PLPPR4: variants seen among roughly 807,000 people sequenced by gnomAD.
PLPPR4 encodes the protein phospholipid phosphatase-related protein type 4.
In PLPPR4, 24 loss-of-function variants were observed where a neutral mutation model predicts 56.6. That is an observed-to-expected ratio of 0.42 (90% confidence interval 0.31 to 0.60). The LOEUF is 0.60. PLPPR4 is among the 20% of genes least tolerant of loss of function. The probability of loss-of-function intolerance (pLI) is 0.13; values close to 1 mark genes in which losing one functional copy is unlikely to be tolerated. For missense variants in PLPPR4, 654 were observed against 885.8 expected, an observed-to-expected ratio of 0.74 and a Z score of 3.32; for synonymous variants, 326 against 328.1, an observed-to-expected ratio of 0.99 and a Z score of 0.07.
At chr1:99,295,964 T>G (rs1308613041) in intron 2 of PLPPR4, among the ~76,000 whole-genome samples, 1 of 152,102 alleles carries the variant, frequency 6.6e-6, no homozygotes, top group African/African-American at 2.4e-5. Flanking sequence ...AGTAAGAGGT[T>G]TCAAAGAAAA....
At chr1:99,263,855 G>A (rs554684731), upstream of PLPPR4, 1 of 152,432 alleles carries the variant, frequency 6.6e-6, no homozygotes, top group Non-Finnish European at 1.5e-5. Flanking sequence ...TGGATGCAAG[G>A]AACCCACATC....
At chr1:99,287,930 A>G in intron 1 of PLPPR4, 35 bp from the exon 2 acceptor site, 3 of 1,559,020 alleles carry the variant, frequency 1.9e-6, no homozygotes, top group Non-Finnish European at 2.6e-6. Context: ...TATATCAGGT[A>G]GAATAAATTG....
At chr1:99,280,659 G>A (rs1417118475) in intron 1 of PLPPR4, among the ~76,000 whole-genome samples, 1 of 152,204 alleles carries the variant, frequency 6.6e-6, no homozygotes, top group African/African-American at 2.4e-5. Context: ...TCAATTCTGA[G>A]TGGAGAGCCT....
intron 1 of PLPPR4, among the ~76,000 whole-genome samples, chr1:99,270,026 T>C (rs537341169): frequency 2.6e-5 from 4 of 151,470 alleles, no homozygotes; most frequent in East Asian, 3.9e-4. Flanking sequence ...TGTGTGTGTG[T>C]GTGTGTGTGT....
chr1:99,277,282 A>T (rs1659211850), intron 1 of PLPPR4, among the ~76,000 whole-genome samples: 1 of 152,048 alleles, frequency 6.6e-6, no homozygotes, highest in South Asian at 2.1e-4. Context: ...CTACTTGTTT[A>T]TTTTTGTCCA....
chr1:99,282,461 A>G (rs1363138773), intron 1 of PLPPR4, among the ~76,000 whole-genome samples: 1 of 152,094 alleles, frequency 6.6e-6, no homozygotes, highest in Non-Finnish European at 1.5e-5. Context: ...CATTCCTTAC[A>G]CTTAGAGAAG....
At chr1:99,279,524 G>A (rs1363434035) in intron 1 of PLPPR4, among the ~76,000 whole-genome samples, 1 of 152,182 alleles carries the variant, frequency 6.6e-6, no homozygotes, top group African/African-American at 2.4e-5. Context: ...ATCAGTGAGA[G>A]TGTGATTTGA....
chr1:99,280,653 T>C (rs1011262041), intron 1 of PLPPR4, among the ~76,000 whole-genome samples: 2 of 152,202 alleles, frequency 1.3e-5, no homozygotes, highest in Non-Finnish European at 2.9e-5. Context: ...GAGTCTTCAA[T>C]TCTGAGTGGA....
intron 1 of PLPPR4, among the ~76,000 whole-genome samples, chr1:99,269,900 C>T (rs1659005828): frequency 1.3e-5 from 2 of 152,166 alleles, no homozygotes; most frequent in Admixed American, 1.3e-4. Flanking sequence ...TATCATCTCT[C>T]TCTCCACTCA....
chr1:99,296,764 C>T lies in PLPPR4; in HGVS notation c.291C>T (p.Tyr97=), dbSNP rs1034135009. The T allele has an allele frequency of 5.1e-5, 82 of 1,605,134 alleles. No homozygotes were observed. Among genetic ancestry groups the T allele is most frequent in the Non-Finnish European group, 6.7e-5 (79 of 1,174,008 alleles). ...TTATGGTAGGAGAAGGAATTCTCTA[C>T]TGTTGCCTCTCCAAAAGAAGAAATG... ...ITIMVGEGIL[Y]CCLSKRRNGV... The change falls in exon 3 of 7, where the codon TAC becomes TAT. Residue 97 remains tyrosine (Y), a synonymous_variant. Coordinates refer to ENST00000370185, the MANE Select transcript of PLPPR4 (RefSeq NM_014839.5).
chr1:99,274,980 A>T (rs762710234), intron 1 of PLPPR4, among the ~76,000 whole-genome samples: 1 of 152,170 alleles, frequency 6.6e-6, no homozygotes, highest in South Asian at 2.1e-4. Context: ...GGAATGAGTC[A>T]TCTCATTTAG....
chr1:99,277,073 CA>C (rs148072668), intron 1 of PLPPR4, among the ~76,000 whole-genome samples: 12,783 of 152,172 alleles, frequency 0.084, 718 homozygotes, highest in Middle Eastern at 0.13. Flanking sequence ...AGAAAGTGAA[CA>C]AGCAAAATGC....
In PLPPR4 at chr1:99,276,210, T is replaced by C. The variant is rs565377860; in HGVS notation, c.78+11539T>C. Reference sequence around the variant, plus strand: ...ATCTAAGTGTGCATCTAAGTGTGTATAAAGATGTGTATGTAGGAGACAAGC... The same window carrying C: ...ATCTAAGTGTGCATCTAAGTGTGTACAAAGATGTGTATGTAGGAGACAAGC... On this transcript the variant is annotated intron_variant, in intron 1 of 6. Coordinates refer to ENST00000370185, the MANE Select transcript of PLPPR4 (RefSeq NM_014839.5). Among the ~76,000 whole-genome samples the C allele has an allele frequency of 3.5e-4, 54 of 152,208 alleles. No individual in the cohort carries two copies. In the Middle Eastern group the frequency reaches 0.01, roughly 29 times the overall value.
At chr1:99,295,142 T>C (rs1401515812) in intron 2 of PLPPR4, among the ~76,000 whole-genome samples, 1 of 152,218 alleles carries the variant, frequency 6.6e-6, no homozygotes, top group Non-Finnish European at 1.5e-5. Flanking sequence ...TTGAAATGAA[T>C]TACTTTTGAT....
chr1:99,274,623 A>G (rs1274918101), intron 1 of PLPPR4, among the ~76,000 whole-genome samples: 4 of 152,276 alleles, frequency 2.6e-5, no homozygotes, highest in African/African-American at 9.6e-5. Context: ...TTTTATAGAT[A>G]GAGGGACATA....
chr1:99,277,700 C>T (rs2392008), intron 1 of PLPPR4, among the ~76,000 whole-genome samples: 13,233 of 151,848 alleles, frequency 0.087, 1,043 homozygotes, highest in African/African-American at 0.2. Context: ...AGAACTCATG[C>T]TGCTCTGACA....
In PLPPR4 at chr1:99,296,868, G is replaced by T; in HGVS notation, c.394+1G>T. 3 of 1,570,090 alleles carry T rather than the reference G, an allele frequency of 1.9e-6. No individual in the cohort carries two copies. Among genetic ancestry groups the T allele is most frequent in the Non-Finnish European group, 2.6e-6 (3 of 1,153,372 alleles). On this transcript the variant is annotated splice_donor_variant, in intron 3 of 6. Coordinates refer to ENST00000370185, the MANE Select transcript of PLPPR4 (RefSeq NM_014839.5). LOFTEE classifies it high-confidence loss of function. ...CTCAGACGAGCTGTCAGATTCGTTG[G>T]TGGGTGTGGGGAACCACAAAGAAAA...
chr1:99,296,629 T>C (rs1314554684), intron 2 of PLPPR4, 109 bp from the exon 3 acceptor site: 43 of 918,430 alleles, frequency 4.7e-5, no homozygotes, highest in Non-Finnish European at 5.9e-5. Flanking sequence ...ATTTACATCT[T>C]TACTTTATTG....
At chr1:99,301,588 GA>G in intron 5 of PLPPR4, 135 bp from the exon 6 acceptor site, 1 of 553,878 alleles carries the variant, frequency 1.8e-6, no homozygotes, top group Admixed American at 3.1e-5. Context: ...GGCAGGCACA[GA>G]ACATAGCCAT....
Sources: allele counts gnomAD v4.1 joint callset (sites outside exome capture counted in the v4.1 genomes callset), GRCh38; gene constraint gnomAD v4.1.1; transcripts MANE v1.5; gene names NCBI Gene and HGNC (gene_info 2026-07-23, HGNC 2026-07-21).